The following CASKIN1 variants were observed in gnomAD, a reference collection of about 807,000 sequenced individuals.
CASKIN1 encodes CASK interacting protein 1.
Under a neutral mutation model 117.5 loss-of-function variants are expected in CASKIN1, and 42 were observed. That is an observed-to-expected ratio of 0.36 (90% CI 0.28 to 0.46). The LOEUF (loss-of-function observed/expected upper bound fraction) is 0.46, where lower values mean the gene tolerates loss of function less well. CASKIN1 is among the 20% of genes least tolerant of loss of function. The pLI is 1.00. For synonymous variants in CASKIN1, 1,148 were observed against 961.7 expected, an observed-to-expected ratio of 1.19 and a Z score of -3.59; for missense variants, 2,083 against 2,077.3, an observed-to-expected ratio of 1.00 and a Z score of -0.05.
At position 2,180,005 on chromosome 16, in the gene CASKIN1, G is replaced by C. The variant is rs201029558; in HGVS notation, c.3363C>G (p.Ser1121Arg). ...CCCGGATGCGCCTCTTGAGTGTGGC[G>C]CTGGCTTCCACCTTGGCCAAGGGCG... is the stretch of plus-strand genomic sequence containing the variant. ...EGPPLAKVEASATLKRRIRAK... is the reference protein window; with the variant it reads ...EGPPLAKVEARATLKRRIRAK... Residue 1121 changes from serine to arginine, a missense_variant, in exon 18 of 20, where the codon AGC becomes AGG. This residue lies in a region of CASKIN1 where 1,818 missense variants were observed against 1,688.9 expected (regional missense o/e 1.08). Coordinates refer to ENST00000343516, the MANE Select transcript of CASKIN1 (RefSeq NM_020764.4). 4 of 1,601,592 alleles carry C rather than the reference G, an allele frequency of 2.5e-6. No homozygotes were observed. Among genetic ancestry groups the C allele is most frequent in the Non-Finnish European group, 3.4e-6 (4 of 1,174,496 alleles).
At chr16:2,190,399 G>T in intron 1 of CASKIN1, 41 bp from the exon 2 acceptor site, 1 of 1,539,822 alleles carries the variant, frequency 6.5e-7, no homozygotes, top group Non-Finnish European at 8.8e-7. Context: ...GGCTGTGCCA[G>T]CCCCTCCAGG....
chr16:2,184,837 G>A lies in CASKIN1; in HGVS notation c.1356C>T (p.His452=), dbSNP rs201091283. The A allele has an allele frequency of 9.9e-5, 154 of 1,559,644 alleles. 1 individual carries two copies. The highest frequency in any genetic ancestry group is 1.7e-4 in the Middle Eastern group (1 of 5,844). ...GCTGCTCCCCATAGACCTGCCCGGC[G>A]TGGGCCACTGGAGGCTGGGACCGGG... is the stretch of plus-strand genomic sequence containing the variant. The part of the protein sequence containing the change: ...GVARSQPPVA[H]AGQVYGEQPP... The change falls in exon 14 of 20, where the codon CAC becomes CAT. Residue 452 remains histidine, a synonymous_variant. Coordinates refer to ENST00000343516, the MANE Select transcript of CASKIN1 (RefSeq NM_020764.4).
chr16:2,191,330 G>A (rs898599432), intron 1 of CASKIN1, among the ~76,000 whole-genome samples: 11 of 152,274 alleles, frequency 7.2e-5, no homozygotes, highest in African/African-American at 2.4e-4. Context: ...CTGCTGCCCC[G>A]GCCTCAGTCC....
Position 2,185,321 on chromosome 16 carries a change from C to T in CASKIN1, c.1136G>A (p.Arg379Lys). The change falls in exon 11 of 20, where the codon AGG becomes AAG. Residue 379 changes from arginine to lysine, a missense_variant. Transcript: ENST00000343516. ...SAPPEEIWVL[R>K]KPFAGGDRSG... Reference sequence around the variant, plus strand: ...ACCCAGCCTACCTGCAAAAGGCTTCCTCAGCACCCAGATCTCCTCTGGGGG... The same window carrying T: ...ACCCAGCCTACCTGCAAAAGGCTTCTTCAGCACCCAGATCTCCTCTGGGGG... The T allele has an allele frequency of 6.2e-7, 1 of 1,600,194 alleles. No homozygotes were observed. The highest frequency in any genetic ancestry group is 8.5e-7 in the Non-Finnish European group (1 of 1,170,420).
chr16:2,180,407 A>C lies in CASKIN1; in HGVS notation c.2961T>G (p.Ser987Arg). 1 of 1,576,486 alleles carries C rather than the reference A, an allele frequency of 6.3e-7. No homozygotes were observed. The highest frequency in any genetic ancestry group is 1.1e-5 in the South Asian group (1 of 88,068). The change falls in exon 18 of 20, where the codon AGT becomes AGG. Residue 987 changes from serine (S) to arginine (R), a missense_variant. Ser to Arg is a moderately radical substitution (Grantham distance 110, BLOSUM62 -1). Transcript: ENST00000343516. ...CCGTGTCCACGCTGCCGGCCAGGTC[A>C]CTGGCCCGCCGGCACTGTGCCCGGA... ...LGVRAQCRRASDLAGSVDTGS... is the reference protein window; with the variant it reads ...LGVRAQCRRARDLAGSVDTGS...
At position 2,180,674 on chromosome 16, in the gene CASKIN1, C is replaced by A. The variant is rs1470795424; in HGVS notation, c.2694G>T (p.Leu898=). Residue 898 remains leucine (L), a synonymous_variant, in exon 18 of 20, where the codon CTG becomes CTT. Coordinates refer to ENST00000343516, the MANE Select transcript of CASKIN1 (RefSeq NM_020764.4). ...AGGGGCCGGCAGCCGCAGGCACCAGCAGCTCGTCCCGCTCCGGCTCGCTGT... is the reference window on the plus strand; with the variant it reads ...AGGGGCCGGCAGCCGCAGGCACCAGAAGCTCGTCCCGCTCCGGCTCGCTGT... The part of the protein sequence containing the change: ...ASDSEPERDE[L]LVPAAAGPYA... 6.6e-7 allele frequency: 1 copy of A among 1,514,546 alleles called. No individual in the cohort carries two copies. Among genetic ancestry groups the A allele is most frequent in the Non-Finnish European group, 8.8e-7 (1 of 1,135,964 alleles). 93.8% of individuals were successfully genotyped at this position (1,514,546 alleles called of 1,614,324 possible). A position where few individuals can be genotyped will look rare whatever the true frequency, so the allele number is the denominator to read the frequency against.
chr16:2,195,553 G>A (rs1358409789), intron 1 of CASKIN1, among the ~76,000 whole-genome samples: 2 of 152,220 alleles, frequency 1.3e-5, no homozygotes, highest in Non-Finnish European at 2.9e-5. Flanking sequence ...CAGGATGAGT[G>A]CTGGGACCAG....
Position 2,179,539 on chromosome 16 carries a change from T to G in CASKIN1, c.3775+54A>C. ...AAGGAAAACCCCTCAGACCACCGAGTAAGGAGGTGGAGCAGGGTCCTGTTG... is the reference window on the plus strand; with the variant it reads ...AAGGAAAACCCCTCAGACCACCGAGGAAGGAGGTGGAGCAGGGTCCTGTTG... On this transcript the variant is annotated intron_variant, in intron 18 of 19. Coordinates refer to ENST00000343516, the MANE Select transcript of CASKIN1 (RefSeq NM_020764.4). This position sits in a 1 kb window ranked among gnomAD's most constrained non-coding sequence, Gnocchi z 5.8. 7.1e-7 allele frequency: 1 copy of G among 1,400,670 alleles called. No individual in the cohort carries two copies. The highest frequency in any genetic ancestry group is 9.3e-7 in the Non-Finnish European group (1 of 1,077,724). The allele number at this position is 1,400,670 out of a possible 1,614,324, so 86.8% of individuals were successfully genotyped here.
Position 2,182,072 on chromosome 16 carries a change from C to A in CASKIN1, c.1630-143G>T, listed in dbSNP as rs1341367855. On this transcript the variant is annotated intron_variant, in intron 16 of 19. Coordinates refer to ENST00000343516, the MANE Select transcript of CASKIN1 (RefSeq NM_020764.4). The surrounding 1 kb of genome is among the most constrained non-coding windows in gnomAD (Gnocchi z 4.1). ...AAACGGATAGGCCGAGGTATTGGCA[C>A]CAGAAATGTAGGCAGAGCCTCGGCT... 17 of 1,177,162 alleles carry A rather than the reference C, an allele frequency of 1.4e-5. No individual in the cohort carries two copies. The highest frequency in any genetic ancestry group is 4.3e-5 in the South Asian group (3 of 70,144). The allele number at this position is 1,177,162 out of a possible 1,614,324, so 72.9% of individuals were successfully genotyped here.
rs866218498 is a variant in CASKIN1, at chr16:2,180,480, G to A, written c.2888C>T (p.Ala963Val). The change falls in exon 18 of 20, where the codon GCG (alanine) becomes GTG (valine). Residue 963 changes from alanine to valine, a missense_variant. By Grantham distance (64) the Ala-to-Val change is moderately conservative. Transcript: ENST00000343516. Reference protein sequence around the residue: ...SSSALASANLADEPVPDAEPE... With the variant: ...SSSALASANLVDEPVPDAEPE... ...CTCGGCGTCAGGCACCGGCTCATCC[G>A]CCAGGTTGGCACTAGCCAGGGCCGA... 5.2e-6 allele frequency: 8 copies of A among 1,551,082 alleles called. No individual in the cohort carries two copies. Among genetic ancestry groups the A allele is most frequent in the South Asian group, 2.3e-5 (2 of 85,590 alleles).
chr16:2,179,646 C>G lies in CASKIN1; in HGVS notation c.3722G>C (p.Gly1241Ala). 1.3e-6 allele frequency: 2 copies of G among 1,497,876 alleles called. No homozygotes were observed. Among genetic ancestry groups the G allele is most frequent in the Non-Finnish European group, 1.8e-6 (2 of 1,130,056 alleles). The allele number at this position is 1,497,876 out of a possible 1,614,324, so 92.8% of individuals were successfully genotyped here. ...CTTCTTGGAGGTGGGTGTGGGCGAG[C>G]CCTGGAGCTTGGGCACAGGCTGCGT... Reference protein sequence around the residue: ...VLTQPVPKLQGSPTPTSKKVP... With the variant: ...VLTQPVPKLQASPTPTSKKVP... Residue 1241 changes from glycine to alanine, a missense_variant, in exon 18 of 20, where the codon GGC (glycine) becomes GCC (alanine). By Grantham distance (60) the Gly-to-Ala change is moderately conservative (BLOSUM62 0). This residue lies in a region of CASKIN1 where 1,818 missense variants were observed against 1,688.9 expected (regional missense o/e 1.08). Coordinates refer to ENST00000343516, the MANE Select transcript of CASKIN1 (RefSeq NM_020764.4). This position sits in a 1 kb window ranked among gnomAD's most constrained non-coding sequence, Gnocchi z 5.8.
Position 2,178,419 on chromosome 16 carries a change from A to G in CASKIN1, c.*131T>C, listed in dbSNP as rs930181784. On this transcript the variant is annotated 3_prime_UTR_variant, in exon 20 of 20. Coordinates refer to ENST00000343516, the MANE Select transcript of CASKIN1 (RefSeq NM_020764.4). ...CCGGTGGGCGCCCCGGCCCGGGTCCAGGGGCCGGAGTTGTGCTTCTGCAGG... is the reference window on the plus strand; with the variant it reads ...CCGGTGGGCGCCCCGGCCCGGGTCCGGGGGCCGGAGTTGTGCTTCTGCAGG... The G allele has an allele frequency of 1.6e-6, 1 of 611,638 alleles. No individual in the cohort carries two copies. 37.9% of individuals were successfully genotyped at this position (611,638 alleles called of 1,614,324 possible).
intron 16 of CASKIN1, among the ~76,000 whole-genome samples, chr16:2,183,022 C>T (rs1284963469): frequency 3.3e-5 from 5 of 152,182 alleles, no homozygotes; most frequent in Non-Finnish European, 5.9e-5. Context: ...CTCTTGACCT[C>T]GTGATCCACC....
At chr16:2,191,133 C>T (rs2093200495) in intron 1 of CASKIN1, among the ~76,000 whole-genome samples, 1 of 152,214 alleles carries the variant, frequency 6.6e-6, no homozygotes, top group Admixed American at 6.5e-5. Context: ...GGCCAAACCC[C>T]CGCCTATCTG....
rs2093148868 is a variant in CASKIN1 at position 2,178,096 on chromosome 16, T to C, written c.*454A>G. 2.0e-6 allele frequency: 1 copy of C among 503,458 alleles called. No individual in the cohort carries two copies. Among genetic ancestry groups the C allele is most frequent in the Non-Finnish European group, 3.8e-6 (1 of 260,452 alleles). 31.2% of individuals were successfully genotyped at this position (503,458 alleles called of 1,614,324 possible). Reference sequence around the variant, plus strand: ...TTTCTCTGGGGAAATCCGCCTCAGCTCATTCCCAATAAATTAATACTCTTG... The same window carrying C: ...TTTCTCTGGGGAAATCCGCCTCAGCCCATTCCCAATAAATTAATACTCTTG... On this transcript the variant is annotated 3_prime_UTR_variant, in exon 20 of 20. Coordinates refer to ENST00000343516, the MANE Select transcript of CASKIN1 (RefSeq NM_020764.4).
intron 1 of CASKIN1, among the ~76,000 whole-genome samples, chr16:2,193,571 C>G (rs984373455): frequency 6.6e-6 from 1 of 152,244 alleles, no homozygotes; most frequent in Non-Finnish European, 1.5e-5. Flanking sequence ...TGTCCTCCCT[C>G]CCACAGCTGA....
chr16:2,195,543 C>T (rs891018540), intron 1 of CASKIN1, among the ~76,000 whole-genome samples: 4 of 152,248 alleles, frequency 2.6e-5, no homozygotes, highest in African/African-American at 9.6e-5. Flanking sequence ...CGCGCTGAGC[C>T]AGGATGAGTG....
chr16:2,188,985 T>C (rs527264951), intron 6 of CASKIN1, 42 bp downstream of exon 6: 2 of 1,581,760 alleles, frequency 1.3e-6, no homozygotes, highest in East Asian at 2.2e-5. Context: ...TGCTGAACCC[T>C]GGGGACCCTA....
rs1197580988 is a variant in CASKIN1, at chr16:2,186,727, T to C, written c.1028A>G (p.Glu343Gly). 5 of 1,612,758 alleles carry C rather than the reference T, an allele frequency of 3.1e-6. No individual in the cohort carries two copies. In the Admixed American group the frequency reaches 6.7e-5, roughly 22 times the overall value. Residue 343 changes from glutamate (E) to glycine (G), a missense_variant, in exon 10 of 20, where the codon GAG becomes GGG. Glu to Gly is a moderately conservative substitution (Grantham distance 98). Around this residue, in one of 3 missense-constraint regions of CASKIN1, gnomAD observed 1,818 missense variants for 1,688.9 expected, o/e 1.08. Coordinates refer to ENST00000343516, the MANE Select transcript of CASKIN1 (RefSeq NM_020764.4). Reference protein sequence around the residue: ...RVGYFPSSLGEAIVKRAGSRA... With the variant: ...RVGYFPSSLGGAIVKRAGSRA... The stretch of plus-strand genomic sequence containing the variant: ...CTTGCCTGCTCGCTTGACAATGGCC[T>C]CGCCCAGGGAGGACGGGAAGTAGCC...
Sources: gnomAD v4.1 joint callset for allele counts (sites outside exome capture counted in the v4.1 genomes callset) on GRCh38, gnomAD v4.1.1 for gene constraint, gnomAD v4.1.1 regional missense constraint, Gnocchi (gnomAD v3.1) non-coding constraint, MANE v1.5 for transcripts, NCBI Gene and HGNC (gene_info 2026-07-23, HGNC 2026-07-21) for gene names.